The following SFT2D1 variants were observed in gnomAD, a reference collection of about 807,000 sequenced individuals.
The protein encoded by SFT2D1 is vesicle transport protein SFT2A.
SFT2D1 carries 24 observed loss-of-function variants against 28.1 expected under a neutral mutation model. That is an observed-to-expected ratio of 0.85 (90% CI 0.62 to 1.20). The LOEUF is 1.20. Ranked by LOEUF, SFT2D1 falls within the 50% of genes most tolerant of loss-of-function variation. SFT2D1 has a pLI of 0.00. For missense variants in SFT2D1, 181 were observed against 190.9 expected, an observed-to-expected ratio of 0.95 and a Z score of 0.31; for synonymous variants, 82 against 73.7, an observed-to-expected ratio of 1.11 and a Z score of -0.58.
At chr6:166,335,523 A>G (rs1309546711) in intron 1 of SFT2D1, 12 of 464,732 alleles carry the variant, frequency 2.6e-5, no homozygotes, top group Non-Finnish European at 5.0e-5. Context: ...TCCAGTAGCA[A>G]CAGTAGCCAT....
At chr6:166,335,900 T>C (rs944800672) in intron 1 of SFT2D1, among the ~76,000 whole-genome samples, 1 of 152,250 alleles carries the variant, frequency 6.6e-6, no homozygotes, top group African/African-American at 2.4e-5. Flanking sequence ...TTTTAGACAA[T>C]ACTCACGTGT....
chr6:166,337,283 G>A (rs1335094897), intron 1 of SFT2D1, among the ~76,000 whole-genome samples: 1 of 152,220 alleles, frequency 6.6e-6, no homozygotes, highest in Non-Finnish European at 1.5e-5. Context: ...TGGTTGGGAA[G>A]CTCACCTTGA....
intron 7 of SFT2D1, 35 bp from the exon 8 acceptor site, chr6:166,320,291 A>G: frequency 6.3e-7 from 1 of 1,583,560 alleles, no homozygotes; most frequent in Non-Finnish European, 8.6e-7. Flanking sequence ...ACAGAATATA[A>G]TATTCCTCAA....
At chr6:166,320,332 A>AAAAGG in intron 7 of SFT2D1, 76 bp from the exon 8 acceptor site, 1 of 1,249,582 alleles carries the variant, frequency 8.0e-7, no homozygotes, top group Non-Finnish European at 1.1e-6. Context: ...TTCCTGCTAA[A>AAAAGG]TCACCTTTTT....
intron 1 of SFT2D1, chr6:166,335,317 A>C: frequency 1.7e-6 from 1 of 578,256 alleles, no homozygotes; most frequent in South Asian, 1.4e-5. Flanking sequence ...GCTGTAATGG[A>C]TTTGGTAATG....
intron 3 of SFT2D1, among the ~76,000 whole-genome samples, chr6:166,328,628 G>C (rs1199610230): frequency 6.6e-6 from 1 of 152,196 alleles, no homozygotes; most frequent in Non-Finnish European, 1.5e-5. Context: ...CCCTTTGAAA[G>C]GGATCAAAGG....
intron 7 of SFT2D1, among the ~76,000 whole-genome samples, chr6:166,321,142 C>CGT: frequency 6.6e-6 from 1 of 151,942 alleles, no homozygotes; most frequent in African/African-American, 2.4e-5. Context: ...AACTGAGTTT[C>CGT]AAAACTGTAA....
chr6:166,328,388 C>T (rs1477755209), intron 3 of SFT2D1, 31 bp from the exon 4 acceptor site: 1 of 1,287,442 alleles, frequency 7.8e-7, no homozygotes, highest in Admixed American at 2.3e-5. Flanking sequence ...GACTGAGGTA[C>T]AGGTCTACTA....
At chr6:166,341,405 C>T (rs753225296) in intron 1 of SFT2D1, among the ~76,000 whole-genome samples, 3 of 148,226 alleles carry the variant, frequency 2.0e-5, no homozygotes, top group Non-Finnish European at 4.4e-5. Context: ...GTCGAGATCA[C>T]GCCACTGCAC....
In SFT2D1 at chr6:166,330,180, C is replaced by T. The variant is rs772038544; in HGVS notation, c.131G>A (p.Gly44Asp). 3 of 1,601,080 alleles carry T rather than the reference C, an allele frequency of 1.9e-6. No homozygotes were observed. Among genetic ancestry groups the T allele is most frequent in the African/African-American group, 2.7e-5 (2 of 74,072 alleles). Residue 44 changes from glycine to aspartate, a missense_variant, in exon 2 of 8, where the codon GGC (glycine) becomes GAC (aspartate). By Grantham distance (94) the Gly-to-Asp change is moderately conservative. Transcript: ENST00000361731. ...LKWFAICFVCGVFFSILGTGL... is the reference protein window; with the variant it reads ...LKWFAICFVCDVFFSILGTGL... ...ACTCACAAGAATAGAAAAGAAAACG[C>T]CACATACGAAGCAGATGGCAAACCA... is the stretch of plus-strand genomic sequence containing the variant.
At chr6:166,331,488 G>GT (rs1186807683) in intron 1 of SFT2D1, 42 of 152,596 alleles carry the variant, frequency 2.8e-4, no homozygotes, top group Non-Finnish European at 1.2e-4. Flanking sequence ...CATTTTAAAT[G>GT]TTTTTTAAGT....
chr6:166,335,867 C>A (rs1476929190), intron 1 of SFT2D1, among the ~76,000 whole-genome samples: 2 of 152,124 alleles, frequency 1.3e-5, no homozygotes, highest in East Asian at 3.8e-4. Flanking sequence ...GTGGCAGAGC[C>A]CAGCTGCTAC....
chr6:166,337,022 G>A (rs1240634004), intron 1 of SFT2D1, among the ~76,000 whole-genome samples: 1 of 152,200 alleles, frequency 6.6e-6, no homozygotes, highest in Admixed American at 6.5e-5. Context: ...AGTGATTTTG[G>A]GGCTGGCCAC....
chr6:166,324,323 C>T (rs1217182255), intron 6 of SFT2D1: 19 of 472,262 alleles, frequency 4.0e-5, no homozygotes, highest in African/African-American at 3.9e-5. Context: ...TGTAACTCTA[C>T]GAGCACAGCA....
intron 1 of SFT2D1, chr6:166,334,773 G>A: frequency 2.5e-6 from 1 of 400,402 alleles, no homozygotes; most frequent in Non-Finnish European, 4.8e-6. Flanking sequence ...TGTCCTGTAT[G>A]CCGCTGTGAA....
intron 6 of SFT2D1, 146 bp from the exon 7 acceptor site, chr6:166,323,032 G>A: frequency 1.7e-6 from 1 of 588,750 alleles, no homozygotes. Flanking sequence ...AGCAGTGAGA[G>A]CATCATCTGG....
chr6:166,330,924 G>A (rs1228298745), intron 1 of SFT2D1, among the ~76,000 whole-genome samples: 4 of 152,194 alleles, frequency 2.6e-5, no homozygotes, highest in Non-Finnish European at 2.9e-5. Context: ...GACGGTACCC[G>A]TTCTAAGCTC....
At chr6:166,324,238 T>G (rs958148740) in intron 6 of SFT2D1, 1 of 278,554 alleles carries the variant, frequency 3.6e-6, no homozygotes. Flanking sequence ...CTCACTTTTA[T>G]GTACTCACAT....
chr6:166,322,792 A>G, intron 7 of SFT2D1, 65 bp downstream of exon 7: 1 of 1,336,872 alleles, frequency 7.5e-7, no homozygotes, highest in South Asian at 1.2e-5. Context: ...AAATTACTTA[A>G]ATTCATATAT....
Sources: allele counts gnomAD v4.1 joint callset (sites outside exome capture counted in the v4.1 genomes callset), GRCh38; gene constraint gnomAD v4.1.1; transcripts MANE v1.5; gene names NCBI Gene and HGNC (gene_info 2026-07-23, HGNC 2026-07-21).